The following ZNF217 variants were observed in gnomAD, a reference collection of about 807,000 sequenced individuals.
ZNF217 encodes zinc finger protein 217.
In ZNF217, 12 loss-of-function variants were observed where a neutral mutation model predicts 73.3. The ratio of observed to expected loss-of-function variants is 0.16; its 90% CI spans 0.10 to 0.27. The LOEUF is 0.27. Among genes scored for constraint, ZNF217 ranks in the 10% least tolerant of loss-of-function variants. The pLI, the probability that ZNF217 is intolerant of heterozygous loss-of-function variation, is 1.00. For synonymous variants in ZNF217, 588 were observed against 516.4 expected (o/e 1.14, Z -1.88); for missense variants, 1,195 against 1,327.8 (o/e 0.90, Z 1.55).
Position 53,575,772 on chromosome 20 carries a change from T to C in ZNF217, c.2992A>G (p.Thr998Ala), listed in dbSNP as rs549992749. 1.6e-5 allele frequency: 25 copies of C among 1,608,154 alleles called. No individual in the cohort carries two copies. In the African/African-American group the frequency reaches 2.4e-4, roughly 15 times the overall value. ...KPYGGSGPLYTCVPAGSPASS... is the reference protein window; with the variant it reads ...KPYGGSGPLYACVPAGSPASS... Reference sequence around the variant, plus strand: ...GCTGGACTACCAGCAGGCACACAAGTGTAAAGTGGCCCGGAGCCACCATAG... The same window carrying C: ...GCTGGACTACCAGCAGGCACACAAGCGTAAAGTGGCCCGGAGCCACCATAG... Residue 998 changes from threonine (T) to alanine (A), a missense_variant, in exon 4 of 6, where the codon ACT becomes GCT. Coordinates refer to ENST00000371471, the MANE Select transcript of ZNF217 (RefSeq NM_006526.3).
Position 53,576,379 on chromosome 20 carries a change from G to T in ZNF217, c.2385C>A (p.Ser795Arg), listed in dbSNP as rs1454171981. The T allele has an allele frequency of 5.6e-6, 9 of 1,614,208 alleles. No homozygotes were observed. In the Admixed American group the frequency reaches 1.0e-4, roughly 18 times the overall value. The change falls in exon 4 of 6, where the codon AGC (serine) becomes AGA (arginine). Residue 795 changes from serine to arginine, a missense_variant. Physicochemically the swap from Ser to Arg is moderately radical, Grantham distance 110. Transcript: ENST00000371471. Reference sequence around the variant, plus strand: ...GAGGGGCCTTGCCTGGCCCAGGAGGGCTCTGCTTCCCCTTCGCAGATGGCA... The same window carrying T: ...GAGGGGCCTTGCCTGGCCCAGGAGGTCTCTGCTTCCCCTTCGCAGATGGCA... ...KSLPSAKGKQ[S>R]PPGPGKAPLT...
rs187199659 is a variant in ZNF217 at position 53,580,587 on chromosome 20, C to G, written c.1366+874G>C. On this transcript the variant is annotated intron_variant, in intron 2 of 5. Transcript: ENST00000371471. Reference sequence around the variant, plus strand: ...TTGCCCTAGATAACGCCCACCAGGGCTCAGGAATATTATGTGAGCATGCCT... The same window carrying G: ...TTGCCCTAGATAACGCCCACCAGGGGTCAGGAATATTATGTGAGCATGCCT... Among the ~76,000 whole-genome samples the G allele has an allele frequency of 2.5e-3, 384 of 152,320 alleles. 3 individuals are homozygous for G. The highest frequency in any genetic ancestry group is 9.0e-3 in the African/African-American group (374 of 41,578).
rs761149294 is a variant in ZNF217 at position 53,582,206 on chromosome 20, C to T, written c.621G>A (p.Ala207=). ...TGTAAGGAGAGGAGATGCTCTCGGC[C>T]GCGTGCACCTGGACGACCTCGTTGA... is the stretch of plus-strand genomic sequence containing the variant. ...ATINEVVQVH[A]AESISSPYKI... The change falls in exon 2 of 6, where the codon GCG becomes GCA. Residue 207 remains alanine, a synonymous_variant. Transcript: ENST00000371471. This position sits in a 1 kb window ranked among gnomAD's most constrained non-coding sequence, Gnocchi z 4.8. 3.7e-6 allele frequency: 6 copies of T among 1,613,946 alleles called. No individual in the cohort carries two copies. The highest frequency in any genetic ancestry group is 1.3e-5 in the African/African-American group (1 of 74,930).
In ZNF217 at chr20:53,576,820, A is replaced by G. The variant is rs150490429; in HGVS notation, c.1944T>C (p.Thr648=). The G allele has an allele frequency of 1.1e-5, 18 of 1,614,070 alleles. No individual in the cohort carries two copies. In the African/African-American group the frequency reaches 1.9e-4, roughly 17 times the overall value. The change falls in exon 4 of 6, where the codon ACT becomes ACC. Residue 648 remains threonine, a synonymous_variant. Coordinates refer to ENST00000371471, the MANE Select transcript of ZNF217 (RefSeq NM_006526.3). ...NLICRTKADV[T]PPPDGSTTHN... ...GGGTGGTACTGCCATCCGGAGGAGGAGTAACATCCGCCTTGGTTCTACAGA... is the reference window on the plus strand; with the variant it reads ...GGGTGGTACTGCCATCCGGAGGAGGGGTAACATCCGCCTTGGTTCTACAGA...
chr20:53,594,383 ACCGCC>A (rs1988999931), upstream of ZNF217, among the ~76,000 whole-genome samples: 1 of 89,608 alleles, frequency 1.1e-5, no homozygotes, highest in Non-Finnish European at 2.3e-5. Flanking sequence ...CACGCCCCAC[ACCGCC>A]CCGGCCCCGC....
upstream of ZNF217, among the ~76,000 whole-genome samples, chr20:53,597,330 G>T (rs979458162): frequency 6.6e-6 from 1 of 152,020 alleles, no homozygotes; most frequent in African/African-American, 2.4e-5. Context: ...GTTCAGAGCA[G>T]GAAAACCTGA....
intron 1 of ZNF217, among the ~76,000 whole-genome samples, chr20:53,591,837 C>G (rs530596130): frequency 6.6e-6 from 1 of 152,134 alleles, no homozygotes; most frequent in Admixed American, 6.6e-5. Context: ...TATCATAAAA[C>G]TTAGCATTTT....
At chr20:53,586,782 T>C (rs1047193512) in intron 1 of ZNF217, among the ~76,000 whole-genome samples, 24 of 152,324 alleles carry the variant, frequency 1.6e-4, no homozygotes, top group African/African-American at 5.5e-4. Flanking sequence ...GAATGGGGTG[T>C]GTGCACAAAC....
rs971679502 is a variant in ZNF217, at chr20:53,583,000, G to A, written c.-174C>T. 1 of 626,322 alleles carries A rather than the reference G, an allele frequency of 1.6e-6. No homozygotes were observed. The highest frequency in any genetic ancestry group is 2.4e-5 in the South Asian group (1 of 40,974). The allele number at this position is 626,322 out of a possible 1,614,324, so 38.8% of individuals were successfully genotyped here. The stretch of plus-strand genomic sequence containing the variant: ...CTTCTTCGAACTTTTAGGAAGCTCA[G>A]TGATGGTGTCACTGGTTCTTTCCAC... On this transcript the variant is annotated 5_prime_UTR_variant, in exon 2 of 6. Transcript: ENST00000371471. This position sits in a 1 kb window ranked among gnomAD's most constrained non-coding sequence, Gnocchi z 4.8.
At chr20:53,595,639 A>G (rs1989028515), upstream of ZNF217, among the ~76,000 whole-genome samples, 1 of 152,266 alleles carries the variant, frequency 6.6e-6, no homozygotes, top group Admixed American at 6.5e-5. Flanking sequence ...GTAGATTCTT[A>G]GGCCAGCACT....
chr20:53,591,150 CTTTT>C (rs1988865720), intron 1 of ZNF217, among the ~76,000 whole-genome samples: 1 of 152,004 alleles, frequency 6.6e-6, no homozygotes, highest in African/African-American at 2.4e-5. Context: ...GTATTAGTTC[CTTTT>C]TTTGAGTAAG....
At chr20:53,571,094 A>C (rs118189158) in intron 5 of ZNF217, among the ~76,000 whole-genome samples, 1 of 152,198 alleles carries the variant, frequency 6.6e-6, no homozygotes, top group Non-Finnish European at 1.5e-5. Context: ...TCATGTTCCA[A>C]TAAAACTTTA....
intron 1 of ZNF217, among the ~76,000 whole-genome samples, chr20:53,587,719 T>C (rs1450651761): frequency 6.6e-6 from 1 of 150,452 alleles, no homozygotes; most frequent in African/African-American, 2.5e-5. Flanking sequence ...CCAATGCATT[T>C]GTACCCTGAA....
chr20:53,572,149 C>T (rs752987503), intron 4 of ZNF217, among the ~76,000 whole-genome samples: 1 of 152,066 alleles, frequency 6.6e-6, no homozygotes, highest in African/African-American at 2.4e-5. Context: ...GCATCATGAA[C>T]CAAACTATGT....
intron 1 of ZNF217, among the ~76,000 whole-genome samples, chr20:53,593,091 C>T (rs986553148): frequency 6.6e-5 from 10 of 152,006 alleles, no homozygotes; most frequent in Non-Finnish European, 1.3e-4. Context: ...CATCCCTGTT[C>T]AGGGATGAGC....
rs1039875815 is a variant in ZNF217 at position 53,578,441 on chromosome 20, T to C, written c.1376A>G (p.Asp459Gly). Residue 459 changes from aspartate to glycine, a missense_variant, in exon 3 of 6, where the codon GAT (aspartate) becomes GGT (glycine). Physicochemically the swap from Asp to Gly is moderately conservative, Grantham distance 94. This residue lies in a region of ZNF217 where 116 missense variants were observed against 121.9 expected (regional missense o/e 0.95). Coordinates refer to ENST00000371471, the MANE Select transcript of ZNF217 (RefSeq NM_006526.3). ...AAGATGTTTTATTTTTCCTCCATCA[T>C]CATTTTTATCTTAAAGGAAAAACAA... ...LPEGIHLDKN[D>G]DGGKIKHLTS... 6.4e-7 allele frequency: 1 copy of C among 1,562,576 alleles called. No homozygotes were observed. The highest frequency in any genetic ancestry group is 8.6e-7 in the Non-Finnish European group (1 of 1,159,826).
intron 4 of ZNF217, chr20:53,574,459 TAAG>T (rs1646432991): frequency 6.6e-6 from 1 of 152,230 alleles, no homozygotes; most frequent in Non-Finnish European, 1.5e-5. Context: ...TTTCTGCTCT[TAAG>T]AAGTTTACAG....
At position 53,576,598 on chromosome 20, in the gene ZNF217, T is replaced by C; in HGVS notation, c.2166A>G (p.Pro722=). ...CPFCTFKTFY[P]EVLMMHQRLE... ...GTCTCTGGTGCATCATTAAAACTTC[T>C]GGATAAAATGTCTTGAAGGTACAAA... is the stretch of plus-strand genomic sequence containing the variant. The change falls in exon 4 of 6, where the codon CCA becomes CCG. Residue 722 remains proline, a synonymous_variant. Transcript: ENST00000371471. The C allele has an allele frequency of 2.5e-6, 4 of 1,614,246 alleles. No individual in the cohort carries two copies. The highest frequency in any genetic ancestry group is 3.4e-6 in the Non-Finnish European group (4 of 1,180,038).
chr20:53,574,204 C>T (rs952522218), intron 4 of ZNF217, among the ~76,000 whole-genome samples: 2 of 152,146 alleles, frequency 1.3e-5, no homozygotes, highest in African/African-American at 4.8e-5. Flanking sequence ...AGTACAGATG[C>T]GACCATCCAT....
Sources: gnomAD v4.1 joint callset for allele counts (sites outside exome capture counted in the v4.1 genomes callset) on GRCh38, gnomAD v4.1.1 for gene constraint, gnomAD v4.1.1 regional missense constraint, Gnocchi (gnomAD v3.1) non-coding constraint, MANE v1.5 for transcripts, NCBI Gene and HGNC (gene_info 2026-07-23, HGNC 2026-07-21) for gene names.